The following GRID2 variants were observed in gnomAD, a reference collection of about 807,000 sequenced individuals.
GRID2 encodes glutamate receptor ionotropic, delta-2.
A neutral mutation model predicts 114.8 loss-of-function variants in GRID2; 33 were observed. The observed-to-expected ratio is 0.29, with a 90% CI of 0.22 to 0.38. The LOEUF (loss-of-function observed/expected upper bound fraction) is 0.38, where lower values mean the gene tolerates loss of function less well. Among genes scored for constraint, GRID2 ranks in the 10% least tolerant of loss-of-function variants. GRID2 has a pLI of 1.00. For missense variants in GRID2, 1,184 were observed against 1,257.7 expected (o/e 0.94, Z 0.89); for synonymous variants, 505 against 449.9 (o/e 1.12, Z -1.55).
intron 1 of GRID2, among the ~76,000 whole-genome samples, chr4:92,518,467 A>G (rs1168377243): frequency 6.6e-6 from 1 of 151,940 alleles, no homozygotes; most frequent in African/African-American, 2.4e-5. Context: ...CAAATACTGC[A>G]TCATTCCACT....
At chr4:92,379,091 T>C (rs2110233219) in intron 1 of GRID2, among the ~76,000 whole-genome samples, 1 of 152,108 alleles carries the variant, frequency 6.6e-6, no homozygotes, top group Admixed American at 6.6e-5. Flanking sequence ...AAATATTTGG[T>C]ACCAGAATAA....
chr4:92,670,172 A>G (rs1732989943), intron 2 of GRID2, among the ~76,000 whole-genome samples: 1 of 152,136 alleles, frequency 6.6e-6, no homozygotes, highest in Non-Finnish European at 1.5e-5. Context: ...TGATTAATCT[A>G]TAATCTACCA....
intron 1 of GRID2, among the ~76,000 whole-genome samples, chr4:92,309,241 A>G (rs1046685942): frequency 6.6e-6 from 1 of 152,034 alleles, no homozygotes; most frequent in Non-Finnish European, 1.5e-5. Context: ...TAATTTTATC[A>G]TATGGTAATT....
At chr4:93,077,644 G>A (rs1729454509) in intron 2 of GRID2, among the ~76,000 whole-genome samples, 1 of 152,240 alleles carries the variant, frequency 6.6e-6, no homozygotes. Context: ...TTATGATTAT[G>A]TAGGTGAAGA....
chr4:93,491,184 G>A (rs976986), intron 12 of GRID2, among the ~76,000 whole-genome samples: 2 of 151,938 alleles, frequency 1.3e-5, no homozygotes, highest in Non-Finnish European at 2.9e-5. Flanking sequence ...AATAGATACA[G>A]ATGTTTGAGA....
chr4:92,979,064 G>A (rs949742877), intron 2 of GRID2, among the ~76,000 whole-genome samples: 4 of 151,726 alleles, frequency 2.6e-5, no homozygotes, highest in South Asian at 2.1e-4. Context: ...AATTATACTC[G>A]TGCTGTCCGA....
At chr4:93,578,025 TGTGTGTGCAGCAGGTTTC>T (rs1736585356) in intron 13 of GRID2, among the ~76,000 whole-genome samples, 2 of 152,216 alleles carry the variant, frequency 1.3e-5, no homozygotes, top group Admixed American at 6.5e-5. Flanking sequence ...GCTCTCTGGA[TGTGTGTGCAGCAGGTTTC>T]ATTTGAGGGT....
intron 2 of GRID2, among the ~76,000 whole-genome samples, chr4:92,638,782 T>G (rs1237047965): frequency 1.3e-5 from 2 of 150,690 alleles, no homozygotes; most frequent in Non-Finnish European, 3.0e-5. Context: ...ATTTTTAATA[T>G]TAAAAATTTT....
At chr4:92,537,325 G>A (rs148922625) in intron 1 of GRID2, among the ~76,000 whole-genome samples, 4 of 152,138 alleles carry the variant, frequency 2.6e-5, no homozygotes, top group African/African-American at 7.2e-5. Context: ...TAAGCGTTTA[G>A]TTCATAAAGA....
At chr4:92,322,279 T>A (rs557707147) in intron 1 of GRID2, among the ~76,000 whole-genome samples, 13 of 152,206 alleles carry the variant, frequency 8.5e-5, no homozygotes, top group Middle Eastern at 3.4e-3. Context: ...AAATGTTTGC[T>A]AGGGCTGATT....
intron 8 of GRID2, among the ~76,000 whole-genome samples, chr4:93,330,033 ATTAG>A (rs1366160679): frequency 6.6e-6 from 1 of 152,146 alleles, no homozygotes; most frequent in Non-Finnish European, 1.5e-5. Flanking sequence ...ATAACCTATT[ATTAG>A]TTCTGTTCCT....
chr4:93,104,461 C>T (rs1732005005), intron 3 of GRID2, among the ~76,000 whole-genome samples: 1 of 151,898 alleles, frequency 6.6e-6, no homozygotes, highest in Non-Finnish European at 1.5e-5. Context: ...TCCCCACTCC[C>T]CCCACCCCAC....
At chr4:93,039,996 T>C (rs1192329755) in intron 2 of GRID2, among the ~76,000 whole-genome samples, 1 of 152,202 alleles carries the variant, frequency 6.6e-6, no homozygotes, top group Non-Finnish European at 1.5e-5. Flanking sequence ...TCTAGTCAAA[T>C]GCACAGGAAT....
intron 1 of GRID2, among the ~76,000 whole-genome samples, chr4:92,322,729 G>A (rs1017881836): frequency 1.8e-4 from 27 of 152,058 alleles, no homozygotes; most frequent in African/African-American, 5.1e-4. Context: ...TCTTTCAATC[G>A]CCAATAATTC....
intron 2 of GRID2, among the ~76,000 whole-genome samples, chr4:92,900,867 C>A (rs1157745794): frequency 6.7e-6 from 1 of 148,594 alleles, no homozygotes; most frequent in Non-Finnish European, 1.5e-5. Flanking sequence ...AAGATAATGC[C>A]TTACAGTTTC....
At chr4:92,776,303 G>T (rs1003249343) in intron 2 of GRID2, among the ~76,000 whole-genome samples, 3 of 152,034 alleles carry the variant, frequency 2.0e-5, no homozygotes, top group Admixed American at 1.3e-4. Flanking sequence ...GGCAAATCTT[G>T]GGTCCCATAG....
intron 1 of GRID2, among the ~76,000 whole-genome samples, chr4:92,311,166 C>T (rs1725689746): frequency 6.6e-6 from 1 of 152,012 alleles, no homozygotes; most frequent in African/African-American, 2.4e-5. Flanking sequence ...TCTTATGTAT[C>T]AACTATCATT....
intron 4 of GRID2, among the ~76,000 whole-genome samples, chr4:93,172,747 C>T (rs1738965529): frequency 6.6e-6 from 1 of 152,060 alleles, no homozygotes; most frequent in Admixed American, 6.6e-5. Flanking sequence ...AGCATACTGC[C>T]ACTTTAAAGA....
intron 2 of GRID2, among the ~76,000 whole-genome samples, chr4:92,764,393 C>G (rs1198096762): frequency 1.3e-5 from 2 of 152,134 alleles, no homozygotes. Context: ...AGCTCAAGCC[C>G]AAGGACTTAC....
Sources: gnomAD v4.1 joint callset for allele counts (sites outside exome capture counted in the v4.1 genomes callset) on GRCh38, gnomAD v4.1.1 for gene constraint, MANE v1.5 for transcripts, NCBI Gene and HGNC (gene_info 2026-07-23, HGNC 2026-07-21) for gene names.